The following MAP2K7 variants were observed in gnomAD, a reference collection of about 807,000 sequenced individuals.
The protein encoded by MAP2K7 is dual specificity mitogen-activated protein kinase kinase 7.
Under a neutral mutation model 47.7 loss-of-function variants are expected in MAP2K7, and 12 were observed. The ratio of observed to expected loss-of-function variants is 0.25; its 90% confidence interval spans 0.16 to 0.41. The LOEUF is 0.41. Ranked by LOEUF, MAP2K7 falls within the 10% of genes least tolerant of loss-of-function variation. MAP2K7 has a pLI of 1.00. For missense variants in MAP2K7, 415 were observed against 600.3 expected, an observed-to-expected ratio of 0.69 and a Z score of 3.23; for synonymous variants, 299 against 243.0, an observed-to-expected ratio of 1.23 and a Z score of -2.14.
chr19:7,905,604 A>G (rs992153035), intron 1 of MAP2K7, among the ~76,000 whole-genome samples: 7 of 152,112 alleles, frequency 4.6e-5, no homozygotes, highest in Non-Finnish European at 7.4e-5. Context: ...GCCCCCGAGG[A>G]GTCCCCTCCA....
In MAP2K7 at chr19:7,911,005, A is replaced by C. The variant is rs1356525990; in HGVS notation, c.701A>C (p.Lys234Thr). ...VAIVKALYYLKEKHGVIHRDV... is the reference protein window; with the variant it reads ...VAIVKALYYLTEKHGVIHRDV... ...ATTGTGAAGGCGCTGTACTACCTGAAGGAGAAGCACGGTGTCATCCACCGC... is the reference window on the plus strand; with the variant it reads ...ATTGTGAAGGCGCTGTACTACCTGACGGAGAAGCACGGTGTCATCCACCGC... Residue 234 changes from lysine to threonine, a missense_variant, in exon 7 of 11, where the codon AAG (lysine) becomes ACG (threonine). By Grantham distance (78) the Lys-to-Thr change is moderately conservative (BLOSUM62 -1). This residue lies in a region of MAP2K7 where 206 missense variants were observed against 368.8 expected (regional missense o/e 0.56). Coordinates refer to ENST00000397979, the MANE Select transcript of MAP2K7 (RefSeq NM_145185.4). 1 of 1,612,220 alleles carries C rather than the reference A, an allele frequency of 6.2e-7. No individual in the cohort carries two copies. The highest frequency in any genetic ancestry group is 2.2e-5 in the East Asian group (1 of 44,840).
Position 7,909,745 on chromosome 19 carries a change from A to AC in MAP2K7, c.125-4dup, listed in dbSNP as rs749353724. The AC allele has an allele frequency of 3.5e-5, 53 of 1,519,462 alleles. No individual in the cohort carries two copies. Among genetic ancestry groups the AC allele is most frequent in the Non-Finnish European group, 4.7e-5 (53 of 1,134,282 alleles). The allele number at this position is 1,519,462 out of a possible 1,614,324, so 94.1% of individuals were successfully genotyped here. On this transcript the variant is annotated splice_polypyrimidine_tract_variant and intron_variant, in intron 1 of 10. Coordinates refer to ENST00000397979, the MANE Select transcript of MAP2K7 (RefSeq NM_145185.4). ...ACCCCCCTCCCTGCCACTGGTTCTC[A>AC]CCCCCCTAGCCCTGCAGCTCCCGCT...
rs781666662 is a variant in MAP2K7, at chr19:7,911,240, C to CG, written c.856-10_856-9insG. ...CCTTGGAGATACGTCTTCTCCTCCC[C>CG]CCCCTGCAGCCCGAGCGCATTGACC... On this transcript the variant is annotated splice_polypyrimidine_tract_variant and intron_variant, in intron 7 of 10. Coordinates refer to ENST00000397979, the MANE Select transcript of MAP2K7 (RefSeq NM_145185.4). 2 of 1,609,176 alleles carry CG rather than the reference C, an allele frequency of 1.2e-6. No homozygotes were observed. The highest frequency in any genetic ancestry group is 1.3e-5 in the African/African-American group (1 of 74,780).
At chr19:7,909,627 G>A (rs1982682810) in intron 1 of MAP2K7, 128 bp from the exon 2 acceptor site, 1 of 608,234 alleles carries the variant, frequency 1.6e-6, no homozygotes. Context: ...AGGGGGCTGT[G>A]CCAGCCTAGC....
In MAP2K7 at chr19:7,910,971, T is replaced by G. The variant is rs1221453686; in HGVS notation, c.676-9T>G. On this transcript the variant is annotated splice_polypyrimidine_tract_variant and intron_variant, in intron 6 of 10. Transcript: ENST00000397979. ...CCTGCCACATGCACCCCCCTCTGCG[T>G]GCCTGCAGATTGTGAAGGCGCTGTA... is the stretch of plus-strand genomic sequence containing the variant. The G allele has an allele frequency of 1.2e-6, 2 of 1,604,260 alleles. No individual in the cohort carries two copies. The highest frequency in any genetic ancestry group is 1.7e-6 in the Non-Finnish European group (2 of 1,173,222).
At position 7,912,064 on chromosome 19, in the gene MAP2K7, C is replaced by T. The variant is rs1482311758; in HGVS notation, c.1080-85C>T. 17 of 1,322,650 alleles carry T rather than the reference C, an allele frequency of 1.3e-5. No individual in the cohort carries two copies. The East Asian group carries it at 3.7e-4, about 29-fold the overall frequency. The allele number at this position is 1,322,650 out of a possible 1,614,324, so 81.9% of individuals were successfully genotyped here. On this transcript the variant is annotated intron_variant, in intron 9 of 10. Transcript: ENST00000397979. ...ACACACATCTTGGGGACCCCTGGCC[C>T]CTTGGGGAGGGCCTGAGCACAGGGG...
intron 1 of MAP2K7, among the ~76,000 whole-genome samples, chr19:7,907,421 G>A (rs1045889863): frequency 6.6e-6 from 1 of 152,212 alleles, no homozygotes; most frequent in Non-Finnish European, 1.5e-5. Context: ...CGGCATGTGC[G>A]TGCATGTTGA....
Position 7,910,485 on chromosome 19 carries a change from C to A in MAP2K7, c.480C>A (p.Asn160Lys). The change falls in exon 5 of 11, where the codon AAC becomes AAA. Residue 160 changes from asparagine (N) to lysine (K), a missense_variant. Asn to Lys is a moderately conservative substitution (Grantham distance 94). Around this residue, in one of 3 missense-constraint regions of MAP2K7, gnomAD observed 206 missense variants for 368.8 expected, o/e 0.56. Coordinates refer to ENST00000397979, the MANE Select transcript of MAP2K7 (RefSeq NM_145185.4). ...GGCGCTCCGGGAACAAGGAGGAGAA[C>A]AAGCGCATCCTCATGGACCTGGATG... ...QMRRSGNKEE[N>K]KRILMDLDVV... 1 of 1,612,082 alleles carries A rather than the reference C, an allele frequency of 6.2e-7. No homozygotes were observed. The highest frequency in any genetic ancestry group is 8.5e-7 in the Non-Finnish European group (1 of 1,179,252).
In MAP2K7 at chr19:7,910,268, G is replaced by A. The variant is rs1337380251; in HGVS notation, c.342G>A (p.Gln114=). 50 of 1,613,086 alleles carry A rather than the reference G, an allele frequency of 3.1e-5. No individual in the cohort carries two copies. In the East Asian group the frequency reaches 1.0e-3, roughly 34 times the overall value. ...GYLTIGGQRY[Q]AEINDLENLG... is the part of the protein sequence containing the mutation. ...CCTCCCTCTCCTCCCAGCGCTACCA[G>A]GCAGAAATCAACGACCTGGAGAACT... is the stretch of plus-strand genomic sequence containing the variant. Residue 114 remains glutamine (Q), a synonymous_variant, in exon 4 of 11, where the codon CAG becomes CAA. Transcript: ENST00000397979.
chr19:7,910,958 A>T, intron 6 of MAP2K7, 22 bp from the exon 7 acceptor site: 1 of 1,600,454 alleles, frequency 6.2e-7, no homozygotes, highest in Non-Finnish European at 8.5e-7. Context: ...TGCCACATGC[A>T]CCCCCCTCTG....
At chr19:7,910,919 C>A in intron 6 of MAP2K7, 61 bp from the exon 7 acceptor site, 1 of 1,588,068 alleles carries the variant, frequency 6.3e-7, no homozygotes, top group African/African-American at 1.3e-5. Context: ...GGGCGTGCAC[C>A]GGGCAGGTGG....
chr19:7,904,720 G>T (rs1982334677), intron 1 of MAP2K7, among the ~76,000 whole-genome samples: 1 of 151,992 alleles, frequency 6.6e-6, no homozygotes, highest in African/African-American at 2.4e-5. Flanking sequence ...CATACACCAG[G>T]CCCCGCAAAT....
Position 7,903,903 on chromosome 19 carries a change from C to A in MAP2K7, c.-42C>A. On this transcript the variant is annotated 5_prime_UTR_variant, in exon 1 of 11. Coordinates refer to ENST00000397979, the MANE Select transcript of MAP2K7 (RefSeq NM_145185.4). ...GTGCGGTGTTTGTCTGCCGGACTGACGGGCGGCCGGGCGGTGCGCGGCGGC... is the reference window on the plus strand; with the variant it reads ...GTGCGGTGTTTGTCTGCCGGACTGAAGGGCGGCCGGGCGGTGCGCGGCGGC... 7.0e-7 allele frequency: 1 copy of A among 1,436,888 alleles called. No homozygotes were observed. The highest frequency in any genetic ancestry group is 2.3e-5 in the Admixed American group (1 of 43,726). 89.0% of individuals were successfully genotyped at this position (1,436,888 alleles called of 1,614,324 possible). A position where few individuals can be genotyped will look rare whatever the true frequency, so the allele number is the denominator to read the frequency against.
chr19:7,912,603 AG>A lies in MAP2K7; in HGVS notation c.*173del. The A allele has an allele frequency of 1.4e-6, 1 of 694,742 alleles. No individual in the cohort carries two copies. The highest frequency in any genetic ancestry group is 2.1e-6 in the Non-Finnish European group (1 of 466,798). 43.0% of individuals were successfully genotyped at this position (694,742 alleles called of 1,614,324 possible). A position where few individuals can be genotyped will look rare whatever the true frequency, so the allele number is the denominator to read the frequency against. ...CACCCCCCCCGCCCCGGGCCTACCAAGCCCCCGCCCTTCCCACCCCGGGGTC... is the reference window on the plus strand; with the variant it reads ...CACCCCCCCCGCCCCGGGCCTACCAACCCCCGCCCTTCCCACCCCGGGGTC... On this transcript the variant is annotated 3_prime_UTR_variant, in exon 11 of 11. Coordinates refer to ENST00000397979, the MANE Select transcript of MAP2K7 (RefSeq NM_145185.4).
At chr19:7,910,618 CT>C in intron 5 of MAP2K7, 46 bp downstream of exon 5, 2 of 1,611,980 alleles carry the variant, frequency 1.2e-6, no homozygotes, top group South Asian at 1.1e-5. Context: ...TCCCTCACCC[CT>C]GCCCCTTCCT....
rs952194974 is a variant in MAP2K7, at chr19:7,913,429, G to A, written c.*998G>A. 6.5e-6 allele frequency: 1 copy of A among 152,890 alleles called. No homozygotes were observed. Among genetic ancestry groups the A allele is most frequent in the East Asian group, 1.9e-4 (1 of 5,192 alleles). The allele number at this position is 152,890 out of a possible 1,614,324, so 9.5% of individuals were successfully genotyped here. A position where few individuals can be genotyped will look rare whatever the true frequency, so the allele number is the denominator to read the frequency against. Reference sequence around the variant, plus strand: ...GGAATCGGTGACGGAGCGGGGCCAAGGGAGGGGTCCGGAGGGAGTCAGGGA... The same window carrying A: ...GGAATCGGTGACGGAGCGGGGCCAAAGGAGGGGTCCGGAGGGAGTCAGGGA... On this transcript the variant is annotated 3_prime_UTR_variant, in exon 11 of 11. Coordinates refer to ENST00000397979, the MANE Select transcript of MAP2K7 (RefSeq NM_145185.4).
At chr19:7,911,770 G>T (rs1298274131) in intron 9 of MAP2K7, among the ~76,000 whole-genome samples, 192 bp downstream of exon 9, 1 of 152,216 alleles carries the variant, frequency 6.6e-6, no homozygotes, top group Admixed American at 6.5e-5. Context: ...TTTGGACCTA[G>T]CCTGAGGGGA....
rs1982958231 is a variant in MAP2K7, at chr19:7,912,520, A to G, written c.*89A>G. The G allele has an allele frequency of 4.8e-6, 7 of 1,458,418 alleles. No individual in the cohort carries two copies. In the Admixed American group the frequency reaches 1.4e-4, roughly 29 times the overall value. The allele number at this position is 1,458,418 out of a possible 1,614,324, so 90.3% of individuals were successfully genotyped here. A position where few individuals can be genotyped will look rare whatever the true frequency, so the allele number is the denominator to read the frequency against. ...TGGCCACCCAGCTGCCTGCCAGGGG[A>G]GACCTGGGACCTGGACGGCCACCTA... On this transcript the variant is annotated 3_prime_UTR_variant, in exon 11 of 11. Transcript: ENST00000397979.
In MAP2K7 at chr19:7,912,835, C is replaced by T. The variant is rs915951565; in HGVS notation, c.*404C>T. 2 of 230,248 alleles carry T rather than the reference C, an allele frequency of 8.7e-6. No individual in the cohort carries two copies. The highest frequency in any genetic ancestry group is 2.3e-5 in the African/African-American group (1 of 43,146). 14.3% of individuals were successfully genotyped at this position (230,248 alleles called of 1,614,324 possible). Reference sequence around the variant, plus strand: ...ACGCGCCCGTTCCTCTTCCGTCGCCCTCTGTCCCCTGCTCTACCTCTCTGT... The same window carrying T: ...ACGCGCCCGTTCCTCTTCCGTCGCCTTCTGTCCCCTGCTCTACCTCTCTGT... On this transcript the variant is annotated 3_prime_UTR_variant, in exon 11 of 11. Coordinates refer to ENST00000397979, the MANE Select transcript of MAP2K7 (RefSeq NM_145185.4).
Sources: allele counts gnomAD v4.1 joint callset (sites outside exome capture counted in the v4.1 genomes callset), GRCh38; gene constraint gnomAD v4.1.1; regional missense constraint gnomAD v4.1.1; transcripts MANE v1.5; gene names NCBI Gene and HGNC (gene_info 2026-07-23, HGNC 2026-07-21).